SNRPN: variants seen among roughly 807,000 people sequenced by gnomAD.
SNRPN encodes the protein small nuclear ribonucleoprotein polypeptide N.
Under a neutral mutation model 25.2 loss-of-function variants are expected in SNRPN, and 7 were observed. That is an observed-to-expected ratio of 0.28 (90% CI 0.16 to 0.52). SNRPN has a LOEUF of 0.52. Among genes scored for constraint, SNRPN ranks in the 20% least tolerant of loss-of-function variants. SNRPN has a pLI of 0.96. For synonymous variants in SNRPN, 124 were observed against 110.6 expected (o/e 1.12, Z -0.76); for missense variants, 196 against 322.5 (o/e 0.61, Z 3.00).
At chr15:24,918,459 AAT>A (rs1449057911) in intron 2 of SNRPN, among the ~76,000 whole-genome samples, 2 of 128,988 alleles carry the variant, frequency 1.6e-5, no homozygotes, top group African/African-American at 2.8e-5. Flanking sequence ...TATATAACAT[AAT>A]ATATATGTGT....
intron 2 of SNRPN, among the ~76,000 whole-genome samples, chr15:24,835,556 C>G (rs986839744): frequency 6.6e-6 from 1 of 152,036 alleles, no homozygotes; most frequent in African/African-American, 2.4e-5. Flanking sequence ...TTTAGGAATA[C>G]TAAAATTCAG....
intron 2 of SNRPN, among the ~76,000 whole-genome samples, chr15:24,963,627 A>G (rs1285118639): frequency 6.6e-6 from 1 of 152,088 alleles, no homozygotes; most frequent in African/African-American, 2.4e-5. Context: ...GAAAAAAAAA[A>G]AAAGAAAATG....
At chr15:24,965,485 C>G (rs1025297860) in intron 2 of SNRPN, among the ~76,000 whole-genome samples, 4 of 152,132 alleles carry the variant, frequency 2.6e-5, no homozygotes, top group Non-Finnish European at 4.4e-5. Context: ...TGCAGTGAGC[C>G]GAGATGGTGC....
chr15:24,930,648 T>C (rs2060773282), intron 3 of SNRPN, among the ~76,000 whole-genome samples: 1 of 135,396 alleles, frequency 7.4e-6, no homozygotes, highest in African/African-American at 2.7e-5. Flanking sequence ...TCCCAGTAAA[T>C]CCCAGTACTT....
Position 24,976,326 on chromosome 15 carries a change from A to G in SNRPN, c.177A>G (p.Pro59=), listed in dbSNP as rs891481290. 4 of 1,613,742 alleles carry G rather than the reference A, an allele frequency of 2.5e-6. No individual in the cohort carries two copies. The highest frequency in any genetic ancestry group is 3.3e-5 in the Admixed American group (2 of 59,906). ...GTAGGCCAAAGAATGCGAAGCAACCAGAGCGTGAAGAAAAGCGGGTTTTGG... is the reference window on the plus strand; with the variant it reads ...GTAGGCCAAAGAATGCGAAGCAACCGGAGCGTGAAGAAAAGCGGGTTTTGG... ...RKIKPKNAKQ[P]EREEKRVLGL... The change falls in exon 6 of 10, where the codon CCA becomes CCG. Residue 59 remains proline (P), a synonymous_variant. Coordinates refer to ENST00000390687, the MANE Select transcript of SNRPN (RefSeq NM_003097.6).
At chr15:24,922,518 G>T (rs61999147) in intron 3 of SNRPN, among the ~76,000 whole-genome samples, 1 of 152,128 alleles carries the variant, frequency 6.6e-6, no homozygotes, top group East Asian at 1.9e-4. Flanking sequence ...AAAACTCGTG[G>T]GTATCCCTTC....
chr15:24,834,720 TCTCTCTCC>T (rs2050861529), intron 2 of SNRPN, among the ~76,000 whole-genome samples: 1 of 60,574 alleles, frequency 1.7e-5, no homozygotes, highest in Non-Finnish European at 3.3e-5. Context: ...ACCTTGTCTC[TCTCTCTCC>T]CTCTCTCTCT....
chr15:24,881,053 T>G (rs769716977), intron 1 of SNRPN, among the ~76,000 whole-genome samples: 3 of 152,120 alleles, frequency 2.0e-5, no homozygotes, highest in Admixed American at 6.6e-5. Flanking sequence ...GCTTTACATT[T>G]CACTTTTATG....
At chr15:24,939,172 G>A (rs996486520) in intron 3 of SNRPN, among the ~76,000 whole-genome samples, 9 of 152,148 alleles carry the variant, frequency 5.9e-5, no homozygotes, top group African/African-American at 1.9e-4. Flanking sequence ...CATAGTGGCT[G>A]TAAAAATTTT....
upstream of SNRPN, among the ~76,000 whole-genome samples, chr15:24,855,696 G>T (rs924893623): frequency 5.3e-5 from 8 of 151,140 alleles, no homozygotes; most frequent in Non-Finnish European, 1.0e-4. Flanking sequence ...GGAAGCTGAG[G>T]CAGGAGAATT....
chr15:24,833,413 G>A (rs1214145414), intron 2 of SNRPN, among the ~76,000 whole-genome samples: 1 of 152,038 alleles, frequency 6.6e-6, no homozygotes, highest in Admixed American at 6.5e-5. Context: ...CCTCACTGGT[G>A]AGAATACGTA....
chr15:24,909,807 C>G, intron 2 of SNRPN: 1 of 1,259,784 alleles, frequency 7.9e-7, no homozygotes, highest in Non-Finnish European at 1.1e-6. Context: ...TTATTCTTAA[C>G]AACTTTAACA....
At chr15:24,826,635 AAAG>A (rs1246880722) in intron 1 of SNRPN, among the ~76,000 whole-genome samples, 1 of 152,116 alleles carries the variant, frequency 6.6e-6, no homozygotes, top group Non-Finnish European at 1.5e-5. Context: ...TGAAACTCAT[AAAG>A]AAAAACCTAT....
chr15:24,904,453 A>G (rs1162163671), intron 2 of SNRPN, among the ~76,000 whole-genome samples: 1 of 152,058 alleles, frequency 6.6e-6, no homozygotes, highest in Non-Finnish European at 1.5e-5. Flanking sequence ...TTAGGAGCTC[A>G]AGACCGGCCT....
chr15:24,864,888 G>A (rs2054419255), intron 1 of SNRPN, among the ~76,000 whole-genome samples: 1 of 151,890 alleles, frequency 6.6e-6, no homozygotes, highest in Admixed American at 6.6e-5. Flanking sequence ...TTTTATTGGG[G>A]TTTTAGGGTA....
At chr15:24,845,810 C>T (rs1242971822) in intron 2 of SNRPN, among the ~76,000 whole-genome samples, 2 of 151,950 alleles carry the variant, frequency 1.3e-5, no homozygotes, top group Non-Finnish European at 2.9e-5. Context: ...CTTGGTCAGG[C>T]GTGGTGGCTC....
intron 1 of SNRPN, among the ~76,000 whole-genome samples, chr15:24,829,150 A>G (rs1028302825): frequency 1.3e-5 from 2 of 152,116 alleles, no homozygotes; most frequent in African/African-American, 2.4e-5. Flanking sequence ...TTTGTTCACT[A>G]TATGTGTGGG....
chr15:24,836,150 C>G (rs953935010), intron 2 of SNRPN, among the ~76,000 whole-genome samples: 3 of 152,052 alleles, frequency 2.0e-5, no homozygotes, highest in African/African-American at 7.3e-5. Flanking sequence ...CCTCTTCCTT[C>G]CCCTGTGCTT....
chr15:24,910,047 C>T (rs2059112116), intron 2 of SNRPN, among the ~76,000 whole-genome samples: 2 of 152,068 alleles, frequency 1.3e-5, no homozygotes, highest in African/African-American at 2.4e-5. Flanking sequence ...CCTGTTTCTC[C>T]AGTTCTTTAA....
Sources: allele counts gnomAD v4.1 joint callset (sites outside exome capture counted in the v4.1 genomes callset), GRCh38; gene constraint gnomAD v4.1.1; transcripts MANE v1.5; gene names NCBI Gene and HGNC (gene_info 2026-07-23, HGNC 2026-07-21).